MYO9A: variants seen among roughly 807,000 people sequenced by gnomAD.
MYO9A encodes the protein myosin IXA.
A neutral mutation model predicts 293.3 loss-of-function variants in MYO9A; 103 were observed. The ratio of observed to expected loss-of-function variants is 0.35; its 90% CI spans 0.30 to 0.41. The LOEUF is 0.41. MYO9A is among the 10% of genes least tolerant of loss of function. MYO9A has a pLI of 1.00. For missense variants in MYO9A, 2,685 were observed against 3,033.0 expected (o/e 0.89, Z 2.69); for synonymous variants, 1,001 against 1,035.7 (o/e 0.97, Z 0.64).
intron 7 of MYO9A, among the ~76,000 whole-genome samples, chr15:72,008,335 G>T: frequency 6.6e-6 from 1 of 152,024 alleles, no homozygotes; most frequent in South Asian, 2.1e-4. Flanking sequence ...GAAAGGCCTT[G>T]AATCTGTATT....
intron 32 of MYO9A, among the ~76,000 whole-genome samples, chr15:71,867,464 C>A (rs967040146): frequency 3.3e-5 from 5 of 151,576 alleles, no homozygotes; most frequent in Non-Finnish European, 5.9e-5. Context: ...ACTGACAAAC[C>A]AGGAAAACAT....
At chr15:71,939,513 T>C (rs940980330) in intron 15 of MYO9A, among the ~76,000 whole-genome samples, 5 of 152,218 alleles carry the variant, frequency 3.3e-5, no homozygotes, top group Non-Finnish European at 5.9e-5. Context: ...GCTCCATCCA[T>C]GTTCCCACAA....
In MYO9A at chr15:71,888,023, C is replaced by A; in HGVS notation, c.5236G>T (p.Ala1746Ser). The A allele has an allele frequency of 1.9e-6, 3 of 1,597,720 alleles. No homozygotes were observed. The highest frequency in any genetic ancestry group is 2.6e-6 in the Non-Finnish European group (3 of 1,167,004). Reference protein sequence around the residue: ...EITKLAVRQKASDSDIRPQRA... With the variant: ...EITKLAVRQKSSDSDIRPQRA... ...TTATACCTTATATCTGAATCTGAAGCCTTCTGTCTCACTGCCAACTTGGTA... is the reference window on the plus strand; with the variant it reads ...TTATACCTTATATCTGAATCTGAAGACTTCTGTCTCACTGCCAACTTGGTA... The change falls in exon 27 of 42, where the codon GCT becomes TCT. Residue 1746 changes from alanine to serine, a missense_variant. Coordinates refer to ENST00000356056, the MANE Select transcript of MYO9A (RefSeq NM_006901.4).
At chr15:71,921,116 A>T (rs2058145479) in intron 18 of MYO9A, among the ~76,000 whole-genome samples, 1 of 152,220 alleles carries the variant, frequency 6.6e-6, no homozygotes, top group South Asian at 2.1e-4. Context: ...AAAATAGGTC[A>T]TGTTAGAAAA....
intron 18 of MYO9A, among the ~76,000 whole-genome samples, chr15:71,926,608 A>G (rs2058319193): frequency 6.6e-6 from 1 of 152,104 alleles, no homozygotes; most frequent in African/African-American, 2.4e-5. Context: ...TTGGGAGGCT[A>G]AGGCACGAGA....
Position 71,823,904 on chromosome 15 carries a change from G to A in MYO9A, c.*2676C>T, listed in dbSNP as rs2054364404. On this transcript the variant is annotated 3_prime_UTR_variant, in exon 42 of 42. Coordinates refer to ENST00000356056, the MANE Select transcript of MYO9A (RefSeq NM_006901.4). ...ATTAAGGGCTAACAGTTTCATAAGTGATTGTAATGCGGCATCACTTTGTGG... is the reference window on the plus strand; with the variant it reads ...ATTAAGGGCTAACAGTTTCATAAGTAATTGTAATGCGGCATCACTTTGTGG... The A allele has an allele frequency of 6.6e-6, 1 of 152,242 alleles. No individual in the cohort carries two copies. Among genetic ancestry groups the A allele is most frequent in the Non-Finnish European group, 1.5e-5 (1 of 68,060 alleles). 9.4% of individuals were successfully genotyped at this position (152,242 alleles called of 1,614,324 possible).
At chr15:72,101,867 G>A (rs1222425804) in intron 1 of MYO9A, among the ~76,000 whole-genome samples, 2 of 151,638 alleles carry the variant, frequency 1.3e-5, no homozygotes, top group Non-Finnish European at 2.9e-5. Context: ...GAGGGAGGTG[G>A]GGGGGTCAGC....
intron 1 of MYO9A, among the ~76,000 whole-genome samples, chr15:72,083,153 G>A (rs1280966381): frequency 6.6e-6 from 1 of 152,002 alleles, no homozygotes; most frequent in Non-Finnish European, 1.5e-5. Flanking sequence ...CTGGTCCTGG[G>A]CTTTTTTGCT....
chr15:71,928,054 A>C (rs201928249), intron 18 of MYO9A, among the ~76,000 whole-genome samples: 1 of 9,380 alleles, frequency 1.1e-4, no homozygotes, highest in African/African-American at 2.1e-4. Context: ...ATATATATAT[A>C]TATTTTTTTT....
intron 3 of MYO9A, among the ~76,000 whole-genome samples, chr15:72,028,551 G>A (rs1200633403): frequency 2.0e-5 from 3 of 151,456 alleles, no homozygotes; most frequent in Admixed American, 6.6e-5. Flanking sequence ...GAAGGCTAAG[G>A]CAGAAGAATC....
rs751941930 is a variant in MYO9A at position 72,014,749 on chromosome 15, GGAAAGAAAGAAA to G, written c.1155+4278_1155+4289del. Among the ~76,000 whole-genome samples, 23 of 143,400 alleles carry G rather than the reference GGAAAGAAAGAAA, an allele frequency of 1.6e-4. No individual in the cohort carries two copies. The East Asian group carries it at 4.2e-3, about 26-fold the overall frequency. The allele number at this position is 143,400 out of a possible 152,430, so 94.1% of individuals were successfully genotyped here. A position where few individuals can be genotyped will look rare whatever the true frequency, so the allele number is the denominator to read the frequency against. ...GAGAAGAGAGAGAGAGAGAAAGAAAGGAAAGAAAGAAAGAAAGAAAGAGAAAGAAAGAAAAGA... is the reference window on the plus strand; with the variant it reads ...GAGAAGAGAGAGAGAGAGAAAGAAAGGAAAGAAAGAGAAAGAAAGAAAAGA... On this transcript the variant is annotated intron_variant, in intron 6 of 41. Transcript: ENST00000356056.
intron 2 of MYO9A, among the ~76,000 whole-genome samples, chr15:72,043,830 G>A (rs548168788): frequency 6.6e-6 from 1 of 151,868 alleles, no homozygotes; most frequent in Admixed American, 6.6e-5. Context: ...AATATACGCA[G>A]TTTACTGTAT....
At chr15:72,081,415 T>C (rs913446129) in intron 1 of MYO9A, among the ~76,000 whole-genome samples, 1 of 152,068 alleles carries the variant, frequency 6.6e-6, no homozygotes, top group Non-Finnish European at 1.5e-5. Flanking sequence ...CGGGTTTTCT[T>C]CTTGTAAATT....
chr15:71,822,755 G>T lies in MYO9A; in HGVS notation c.*3825C>A, dbSNP rs2054324184. The T allele has an allele frequency of 6.6e-6, 1 of 152,172 alleles. No homozygotes were observed. Among genetic ancestry groups the T allele is most frequent in the African/African-American group, 2.4e-5 (1 of 41,456 alleles). 9.4% of individuals were successfully genotyped at this position (152,172 alleles called of 1,614,324 possible). A position where few individuals can be genotyped will look rare whatever the true frequency, so the allele number is the denominator to read the frequency against. On this transcript the variant is annotated 3_prime_UTR_variant, in exon 42 of 42. Coordinates refer to ENST00000356056, the MANE Select transcript of MYO9A (RefSeq NM_006901.4). ...CAGAGGGCTGATAAATAGGCATTAAGAATGGATGACTAGCAAGGTGACAGG... is the reference window on the plus strand; with the variant it reads ...CAGAGGGCTGATAAATAGGCATTAATAATGGATGACTAGCAAGGTGACAGG...
chr15:71,939,466 GTT>G (rs2058718239), intron 15 of MYO9A, among the ~76,000 whole-genome samples: 1 of 152,100 alleles, frequency 6.6e-6, no homozygotes, highest in Non-Finnish European at 1.5e-5. Context: ...TTGGTTTTCT[GTT>G]CCTGCATTTA....
At chr15:71,904,371 A>G (rs1029856501) in intron 20 of MYO9A, among the ~76,000 whole-genome samples, 1 of 152,186 alleles carries the variant, frequency 6.6e-6, no homozygotes, top group Non-Finnish European at 1.5e-5. Context: ...GATAACCTAC[A>G]ACTGGGTGTA....
chr15:71,992,404 TAA>T (rs960379173), intron 10 of MYO9A, among the ~76,000 whole-genome samples: 2 of 152,204 alleles, frequency 1.3e-5, no homozygotes, highest in African/African-American at 4.8e-5. Flanking sequence ...CCACTGGTGC[TAA>T]GAGATACAAC....
chr15:72,084,097 G>A (rs2079636911), intron 1 of MYO9A, among the ~76,000 whole-genome samples: 1 of 152,136 alleles, frequency 6.6e-6, no homozygotes, highest in Admixed American at 6.5e-5. Context: ...GGGGTGTTAA[G>A]CTCTCCCACT....
chr15:71,980,274 A>G (rs367724828), intron 11 of MYO9A, among the ~76,000 whole-genome samples: 1 of 152,186 alleles, frequency 6.6e-6, no homozygotes, highest in African/African-American at 2.4e-5. Flanking sequence ...ATTATAAACT[A>G]CATGTTTAAC....
Sources: allele counts gnomAD v4.1 joint callset (sites outside exome capture counted in the v4.1 genomes callset), GRCh38; gene constraint gnomAD v4.1.1; transcripts MANE v1.5; gene names NCBI Gene and HGNC (gene_info 2026-07-23, HGNC 2026-07-21).